INSR: variants seen among roughly 807,000 people sequenced by gnomAD.
INSR encodes IR.
Under a neutral mutation model 142.6 loss-of-function variants are expected in INSR, and 67 were observed. The observed-to-expected ratio is 0.47, with a 90% CI of 0.39 to 0.58. The LOEUF (loss-of-function observed/expected upper bound fraction) is 0.58. Among genes scored for constraint, INSR ranks in the 20% least tolerant of loss-of-function variants. The pLI, the probability that INSR is intolerant of heterozygous loss-of-function variation, is 0.00. For missense variants in INSR, 1,248 were observed against 1,833.2 expected (o/e 0.68, Z 5.83); for synonymous variants, 756 against 743.1 (o/e 1.02, Z -0.28).
At chr19:7,167,884 A>G in intron 7 of INSR, 84 bp downstream of exon 7, 1 of 1,555,846 alleles carries the variant, frequency 6.4e-7, no homozygotes, top group East Asian at 2.3e-5. Context: ...GGAACCCAAG[A>G]GGGGCAGATT....
chr19:7,142,684 C>T, intron 12 of INSR, 132 bp downstream of exon 12: 1 of 1,121,526 alleles, frequency 8.9e-7, no homozygotes, highest in Non-Finnish European at 1.3e-6. Flanking sequence ...CAGAGCAAGG[C>T]TCCGTCTCAA....
At position 7,187,666 on chromosome 19, in the gene INSR, G is replaced by C. The variant is rs556738443; in HGVS notation, c.653-3029C>G. On this transcript the variant is annotated intron_variant, in intron 2 of 21. Coordinates refer to ENST00000302850, the MANE Select transcript of INSR (RefSeq NM_000208.4). ...CAGTTCACTGCAGCCTCAATCTCCT[G>C]GGCTCAGGTGATCCTCCCACCTCGG... is the stretch of plus-strand genomic sequence containing the variant. Among the ~76,000 whole-genome samples, 10 of 152,096 alleles carry C rather than the reference G, an allele frequency of 6.6e-5. No individual in the cohort carries two copies. In the East Asian group the frequency reaches 1.9e-3, roughly 29 times the overall value.
intron 1 of INSR, among the ~76,000 whole-genome samples, chr19:7,271,235 C>T (rs1967917767): frequency 6.6e-6 from 1 of 152,150 alleles, no homozygotes. Context: ...GTGGCTCACA[C>T]TTGTAATCCC....
chr19:7,209,624 G>C (rs992212709), intron 2 of INSR, among the ~76,000 whole-genome samples: 2 of 151,848 alleles, frequency 1.3e-5, no homozygotes, highest in Admixed American at 1.3e-4. Flanking sequence ...ATGCTGCCCA[G>C]GCTGGTCTCG....
At chr19:7,242,471 C>A (rs759842745) in intron 2 of INSR, among the ~76,000 whole-genome samples, 2 of 151,340 alleles carry the variant, frequency 1.3e-5, no homozygotes, top group South Asian at 2.1e-4. Context: ...TGTGGTGGCT[C>A]ATGCCTGTAT....
rs569401339 is a variant in INSR at position 7,187,473 on chromosome 19, T to C, written c.653-2836A>G. Among the ~76,000 whole-genome samples the C allele has an allele frequency of 1.7e-3, 265 of 152,360 alleles. 1 individual carries two copies. The highest frequency in any genetic ancestry group is 6.3e-3 in the African/African-American group (260 of 41,588). The stretch of plus-strand genomic sequence containing the variant: ...CTTTTAACTGCATTTCATTTTAATT[T>C]CAGTTTAAAATTTTTAAAAAGTTTT... On this transcript the variant is annotated intron_variant, in intron 2 of 21. Transcript: ENST00000302850.
Position 7,294,115 on chromosome 19 carries a change from G to A in INSR, c.-224C>T. The A allele has an allele frequency of 7.8e-6, 2 of 255,230 alleles. No homozygotes were observed. The highest frequency in any genetic ancestry group is 1.6e-4 in the South Asian group (1 of 6,250). The allele number at this position is 255,230 out of a possible 1,614,324, so 15.8% of individuals were successfully genotyped here. ...ACAAATACTGAGCGGAGGCCCTTGC[G>A]GTGGTGGCCCCGACCCCCCGGCCGC... On this transcript the variant is annotated 5_prime_UTR_variant, in exon 1 of 22. Transcript: ENST00000302850.
At chr19:7,134,169 A>G (rs1042414506) in intron 13 of INSR, among the ~76,000 whole-genome samples, 1 of 152,030 alleles carries the variant, frequency 6.6e-6, no homozygotes, top group African/African-American at 2.4e-5. Flanking sequence ...ACAGAGCAAG[A>G]CTCCATCTCA....
At position 7,150,534 on chromosome 19, in the gene INSR, T is replaced by C; in HGVS notation, c.2232-2A>G. 6.2e-7 allele frequency: 1 copy of C among 1,614,184 alleles called. No individual in the cohort carries two copies. Reference sequence around the variant, plus strand: ...GCACCAGTGCCTGAAGAGGTTTTTCTGTGGAAACAAAACCAACGCCTTTGA... The same window carrying C: ...GCACCAGTGCCTGAAGAGGTTTTTCCGTGGAAACAAAACCAACGCCTTTGA... On this transcript the variant is annotated splice_acceptor_variant, in intron 10 of 21. Coordinates refer to ENST00000302850, the MANE Select transcript of INSR (RefSeq NM_000208.4). LOFTEE classifies it high-confidence loss of function. The surrounding 1 kb of genome is among the most constrained non-coding windows in gnomAD (Gnocchi z 4.2).
Position 7,119,864 on chromosome 19 carries a change from GCAAACACACA to G in INSR, c.3660-291_3660-282del, listed in dbSNP as rs1972444435. The stretch of plus-strand genomic sequence containing the variant: ...CCCAAACACACACACGCACACACAT[GCAAACACACA>G]CAAACACACATATGCACACACATAC... On this transcript the variant is annotated intron_variant, in intron 20 of 21. Coordinates refer to ENST00000302850, the MANE Select transcript of INSR (RefSeq NM_000208.4). This position sits in a 1 kb window ranked among gnomAD's most constrained non-coding sequence, Gnocchi z 5.2. 1.3e-5 allele frequency among the ~76,000 whole-genome samples: 2 copies of G among 148,410 alleles called. No individual in the cohort carries two copies. The highest frequency in any genetic ancestry group is 2.1e-4 in the South Asian group (1 of 4,682).
intron 2 of INSR, among the ~76,000 whole-genome samples, chr19:7,206,508 G>A (rs571823499): frequency 2.0e-5 from 3 of 152,272 alleles, no homozygotes; most frequent in Admixed American, 6.5e-5. Context: ...TCTGAGCTGC[G>A]CCTCCTGTCA....
Position 7,216,345 on chromosome 19 carries a change from G to A in INSR, c.653-31708C>T, listed in dbSNP as rs1466314397. On this transcript the variant is annotated intron_variant, in intron 2 of 21. Transcript: ENST00000302850. The surrounding 1 kb of genome is among the most constrained non-coding windows in gnomAD (Gnocchi z 4.2). ...TCTCAAAGACAAAAAGAAGATGGAT[G>A]TAACTGACTGTGCCTCTGAAATCCT... Among the ~76,000 whole-genome samples the A allele has an allele frequency of 6.6e-6, 1 of 152,166 alleles. No individual in the cohort carries two copies. Among genetic ancestry groups the A allele is most frequent in the Non-Finnish European group, 1.5e-5 (1 of 68,024 alleles).
chr19:7,187,528 T>TG (rs1246040457), intron 2 of INSR, among the ~76,000 whole-genome samples: 1 of 152,202 alleles, frequency 6.6e-6, no homozygotes, highest in Non-Finnish European at 1.5e-5. Context: ...TACACATTTA[T>TG]GGGGTACTTG....
intron 2 of INSR, among the ~76,000 whole-genome samples, chr19:7,260,144 C>T (rs973435161): frequency 3.3e-5 from 5 of 152,136 alleles, no homozygotes; most frequent in Non-Finnish European, 5.9e-5. Context: ...CATTTAAATA[C>T]GTGATATTTA....
intron 2 of INSR, among the ~76,000 whole-genome samples, chr19:7,239,934 T>C (rs577071243): frequency 6.6e-6 from 1 of 152,284 alleles, no homozygotes; most frequent in East Asian, 1.9e-4. Context: ...GCAGAGTTTT[T>C]TGTTTTTTGG....
At chr19:7,174,344 C>T (rs1974086857) in intron 4 of INSR, among the ~76,000 whole-genome samples, 1 of 151,956 alleles carries the variant, frequency 6.6e-6, no homozygotes, top group African/African-American at 2.4e-5. Context: ...CCTGATGCCC[C>T]AACTCCCAAA....
intron 13 of INSR, among the ~76,000 whole-genome samples, chr19:7,137,321 C>T (rs1463626976): frequency 1.3e-5 from 2 of 151,758 alleles, no homozygotes; most frequent in Non-Finnish European, 2.9e-5. Flanking sequence ...CAGCATTCCT[C>T]TGGTCACATG....
rs1237996607 is a variant in INSR, at chr19:7,131,534, G to C, written c.2842+624C>G. Among the ~76,000 whole-genome samples, 3 of 149,334 alleles carry C rather than the reference G, an allele frequency of 2.0e-5. No individual in the cohort carries two copies. The East Asian group carries it at 6.3e-4, about 31-fold the overall frequency. ...AATTTATTTTTGTATTTTTAGTAGAGATGGGGTTTCACCATGTTGGCCAGG... is the reference window on the plus strand; with the variant it reads ...AATTTATTTTTGTATTTTTAGTAGACATGGGGTTTCACCATGTTGGCCAGG... On this transcript the variant is annotated intron_variant, in intron 14 of 21. Transcript: ENST00000302850.
intron 14 of INSR, among the ~76,000 whole-genome samples, chr19:7,129,690 C>A (rs1301637404): frequency 1.3e-5 from 2 of 152,166 alleles, no homozygotes; most frequent in Non-Finnish European, 2.9e-5. Context: ...TTGCAAATTA[C>A]ATAGCTAGTC....
Sources: gnomAD v4.1 joint callset for allele counts (sites outside exome capture counted in the v4.1 genomes callset) on GRCh38, gnomAD v4.1.1 for gene constraint, Gnocchi (gnomAD v3.1) non-coding constraint, MANE v1.5 for transcripts, NCBI Gene and HGNC (gene_info 2026-07-23, HGNC 2026-07-21) for gene names.